GRIN3B: variants seen among roughly 807,000 people sequenced by gnomAD.
The protein encoded by GRIN3B is glutamate ionotropic receptor NMDA type subunit 3B, also known as glutamate receptor ionotropic, NMDA 3B.
GRIN3B carries 77 observed loss-of-function variants against 66.0 expected under a neutral mutation model. The ratio of observed to expected loss-of-function variants is 1.17; its 90% confidence interval spans 0.97 to 1.41. The LOEUF is 1.41. Ranked by LOEUF, GRIN3B falls within the 40% of genes most tolerant of loss-of-function variation. GRIN3B has a pLI of 0.00. For synonymous variants in GRIN3B, 823 were observed against 749.7 expected (o/e 1.10, Z -1.60); for missense variants, 1,787 against 1,564.5 (o/e 1.14, Z -2.40).
Position 1,008,184 on chromosome 19 carries a change from C to T in GRIN3B, c.2359C>T (p.Leu787=). The part of the protein sequence containing the change: ...LPQNSPLTSN[L]SEFISRYKSS... ...CCAGAACTCGCCGCTCACCTCCAAC[C>T]TGTCCGAGTTCATCAGCCGCTACAA... Residue 787 remains leucine (L), a synonymous_variant, in exon 6 of 9, where the codon CTG becomes TTG. Coordinates refer to ENST00000234389, the MANE Select transcript of GRIN3B (RefSeq NM_138690.3). 6.2e-7 allele frequency: 1 copy of T among 1,609,688 alleles called. No homozygotes were observed. The highest frequency in any genetic ancestry group is 1.3e-5 in the African/African-American group (1 of 75,018).
chr19:1,004,073 G>C (rs774357910), intron 2 of GRIN3B, among the ~76,000 whole-genome samples: 16 of 152,194 alleles, frequency 1.1e-4, no homozygotes, highest in Non-Finnish European at 1.6e-4. Flanking sequence ...TGGGCAACAG[G>C]GACCCTGTCT....
In GRIN3B at chr19:1,005,072, G is replaced by A. The variant is rs747428238; in HGVS notation, c.1571G>A (p.Arg524Gln). 77 of 1,611,500 alleles carry A rather than the reference G, an allele frequency of 4.8e-5. No homozygotes were observed. The highest frequency in any genetic ancestry group is 8.8e-5 in the South Asian group (8 of 90,980). ...CTGGTCGGGGACCTGCTGGCCGGCC[G>A]GGCCCACATGGCGGTCACCAGCTTC... ...TGLVGDLLAG[R>Q]AHMAVTSFSI... The change falls in exon 3 of 9, where the codon CGG (arginine) becomes CAG (glutamine). Residue 524 changes from arginine (R) to glutamine (Q), a missense_variant. By Grantham distance (43) the Arg-to-Gln change is conservative. Coordinates refer to ENST00000234389, the MANE Select transcript of GRIN3B (RefSeq NM_138690.3). The surrounding 1 kb of genome is among the most constrained non-coding windows in gnomAD (Gnocchi z 5.2).
chr19:1,009,473 G>C lies in GRIN3B; in HGVS notation c.3003G>C (p.Leu1001=), dbSNP rs774389014. 3 of 1,484,358 alleles carry C rather than the reference G, an allele frequency of 2.0e-6. No individual in the cohort carries two copies. Among genetic ancestry groups the C allele is most frequent in the Admixed American group, 2.3e-5 (1 of 44,278 alleles). 91.9% of individuals were successfully genotyped at this position (1,484,358 alleles called of 1,614,324 possible). A position where few individuals can be genotyped will look rare whatever the true frequency, so the allele number is the denominator to read the frequency against. Residue 1001 remains leucine (L), a synonymous_variant, in exon 9 of 9, where the codon CTG becomes CTC. Coordinates refer to ENST00000234389, the MANE Select transcript of GRIN3B (RefSeq NM_138690.3). ...EVARERLRQA[L]VRRGQLLAQL... is the part of the protein sequence containing the mutation. ...CGCGTGAGCGGCTCCGCCAGGCCCTGGTGCGGCGCGGCCAGCTCCTGGCAC... is the reference window on the plus strand; with the variant it reads ...CGCGTGAGCGGCTCCGCCAGGCCCTCGTGCGGCGCGGCCAGCTCCTGGCAC...
At chr19:1,006,587 G>C (rs2038751445) in intron 3 of GRIN3B, among the ~76,000 whole-genome samples, 1 of 152,144 alleles carries the variant, frequency 6.6e-6, no homozygotes, top group Non-Finnish European at 1.5e-5. Context: ...GATTAGACGT[G>C]AGCCATCGTG....
chr19:1,002,419 T>G (rs1379163606), intron 1 of GRIN3B, among the ~76,000 whole-genome samples: 1 of 116,816 alleles, frequency 8.6e-6, no homozygotes, highest in Non-Finnish European at 1.7e-5. Context: ...TGAGCTGAGA[T>G]CACGCCATTG....
rs770128506 is a variant in GRIN3B, at chr19:1,000,731, G to A, written c.294G>A (p.Pro98=). Residue 98 remains proline, a synonymous_variant, in exon 1 of 9, where the codon CCG becomes CCA. Transcript: ENST00000234389. ...TRGLCQALVP[P]GVAALLAFPE... is the part of the protein sequence containing the mutation. ...GCCTGTGCCAGGCGCTGGTGCCTCC[G>A]GGCGTGGCGGCCCTGCTCGCCTTTC... is the stretch of plus-strand genomic sequence containing the variant. 2.8e-4 allele frequency: 405 copies of A among 1,431,818 alleles called. No individual in the cohort carries two copies. The highest frequency in any genetic ancestry group is 3.4e-4 in the Non-Finnish European group (374 of 1,096,118). The allele number at this position is 1,431,818 out of a possible 1,614,324, so 88.7% of individuals were successfully genotyped here.
rs1212973852 is a variant in GRIN3B, at chr19:1,008,470, TC to T, written c.2467-142del. 19 of 1,050,354 alleles carry T rather than the reference TC, an allele frequency of 1.8e-5. No individual in the cohort carries two copies. The East Asian group carries it at 3.3e-4, about 18-fold the overall frequency. The allele number at this position is 1,050,354 out of a possible 1,614,324, so 65.1% of individuals were successfully genotyped here. A position where few individuals can be genotyped will look rare whatever the true frequency, so the allele number is the denominator to read the frequency against. On this transcript the variant is annotated intron_variant, in intron 6 of 8. Transcript: ENST00000234389. ...TGCCCCTTCCTCCATGAAACCTCAC[TC>T]CCCCCAGCCATGGAGTCCCTGCCTC...
Position 1,004,886 on chromosome 19 carries a change from C to T in GRIN3B, c.1385C>T (p.Ala462Val), listed in dbSNP as rs377106421. ...DSATLDALFA[A>V]LANGSAPRAL... is the part of the protein sequence containing the mutation. ...GCCACCCTGGACGCACTGTTCGCCG[C>T]GCTGGCCAACGGCTCAGCGCCCCGT... Residue 462 changes from alanine to valine, a missense_variant, in exon 3 of 9, where the codon GCG becomes GTG. Transcript: ENST00000234389. 146 of 1,600,918 alleles carry T rather than the reference C, an allele frequency of 9.1e-5. No homozygotes were observed. Among genetic ancestry groups the T allele is most frequent in the Non-Finnish European group, 1.1e-4 (131 of 1,172,048 alleles).
chr19:1,009,308 C>A lies in GRIN3B; in HGVS notation c.2838C>A (p.Pro946=). ...TGGAGCCCGCCGTGGTTGTGGCACC[C>A]GAAGCGGACGCGGAGGCGGAGGCTG... is the stretch of plus-strand genomic sequence containing the variant. ...FLLEPAVVVA[P]EADAEAEAAP... is the part of the protein sequence containing the mutation. Residue 946 remains proline (P), a synonymous_variant, in exon 9 of 9, where the codon CCC becomes CCA. Transcript: ENST00000234389. The A allele has an allele frequency of 7.1e-7, 1 of 1,407,886 alleles. No homozygotes were observed. Among genetic ancestry groups the A allele is most frequent in the Non-Finnish European group, 9.2e-7 (1 of 1,091,234 alleles). 87.2% of individuals were successfully genotyped at this position (1,407,886 alleles called of 1,614,324 possible).
In GRIN3B at chr19:1,003,589, A is replaced by C; in HGVS notation, c.886A>C (p.Ile296Leu). The change falls in exon 2 of 9, where the codon ATT (isoleucine) becomes CTT (leucine). Residue 296 changes from isoleucine (I) to leucine (L), a missense_variant. Physicochemically the swap from Ile to Leu is conservative, Grantham distance 5 (BLOSUM62 2). Transcript: ENST00000234389. ...CCCGCTGGAGGCCGCCATCCATGAC[A>C]TTGTGCAACTGGTGGCCCGGGCGCT... ...RPPLEAAIHD[I>L]VQLVARALGS... is the part of the protein sequence containing the mutation. 1 of 1,477,102 alleles carries C rather than the reference A, an allele frequency of 6.8e-7. No individual in the cohort carries two copies. The highest frequency in any genetic ancestry group is 1.3e-5 in the South Asian group (1 of 75,706). The allele number at this position is 1,477,102 out of a possible 1,614,324, so 91.5% of individuals were successfully genotyped here.
chr19:1,007,752 C>T lies in GRIN3B; in HGVS notation c.2177C>T (p.Pro726Leu), dbSNP rs763967887. The change falls in exon 4 of 9, where the codon CCC (proline) becomes CTC (leucine). Residue 726 changes from proline (P) to leucine (L), a missense_variant. Transcript: ENST00000234389. This position sits in a 1 kb window ranked among gnomAD's most constrained non-coding sequence, Gnocchi z 4.4. ...CGGCGCCACAGCGCGCCCACCACGC[C>T]CCGCGGCGTCGCCATGCTCACGTGA... ...HMRRHSAPTTPRGVAMLTSDP... is the reference protein window; with the variant it reads ...HMRRHSAPTTLRGVAMLTSDP... 2.2e-5 allele frequency: 34 copies of T among 1,517,642 alleles called. No individual in the cohort carries two copies. The highest frequency in any genetic ancestry group is 3.4e-4 in the Middle Eastern group (2 of 5,890). 94.0% of individuals were successfully genotyped at this position (1,517,642 alleles called of 1,614,324 possible). A position where few individuals can be genotyped will look rare whatever the true frequency, so the allele number is the denominator to read the frequency against.
At chr19:1,001,226 T>C (rs1359627983) in intron 1 of GRIN3B, among the ~76,000 whole-genome samples, 2 of 151,774 alleles carry the variant, frequency 1.3e-5, no homozygotes, top group Non-Finnish European at 2.9e-5. Flanking sequence ...CACAGACCCT[T>C]CCCTGGTCCC....
At position 1,003,174 on chromosome 19, in the gene GRIN3B, G is replaced by A. The variant is rs145032188; in HGVS notation, c.471G>A (p.Thr157=). 1.0e-4 allele frequency: 150 copies of A among 1,497,326 alleles called. 1 individual carries two copies. The African/African-American group carries it at 1.6e-3, about 16-fold the overall frequency. 92.8% of individuals were successfully genotyped at this position (1,497,326 alleles called of 1,614,324 possible). The change falls in exon 2 of 9, where the codon ACG becomes ACA. Residue 157 remains threonine (T), a synonymous_variant. Coordinates refer to ENST00000234389, the MANE Select transcript of GRIN3B (RefSeq NM_138690.3). ...LQLHWASPLE[T]LLDVLVAVLQ... ...TGCACTGGGCCAGCCCCCTGGAGAC[G>A]CTGCTGGATGTGCTGGTGGCGGTGC...
chr19:1,009,612 C>G lies in GRIN3B; in HGVS notation c.*10C>G, dbSNP rs1284323707. 2 of 1,419,014 alleles carry G rather than the reference C, an allele frequency of 1.4e-6. No individual in the cohort carries two copies. The highest frequency in any genetic ancestry group is 1.8e-6 in the Non-Finnish European group (2 of 1,092,036). The allele number at this position is 1,419,014 out of a possible 1,614,324, so 87.9% of individuals were successfully genotyped here. Reference sequence around the variant, plus strand: ...GGGGAGCCAGGAATGAGGCGGCAGCCGGGCCGTTTGGGCTCAAGACACACA... The same window carrying G: ...GGGGAGCCAGGAATGAGGCGGCAGCGGGGCCGTTTGGGCTCAAGACACACA... On this transcript the variant is annotated 3_prime_UTR_variant, in exon 9 of 9. Transcript: ENST00000234389.
In GRIN3B at chr19:1,000,676, C is replaced by T; in HGVS notation, c.239C>T (p.Pro80Leu). Reference protein sequence around the residue: ...LSLELVVAAPPARDPASLTRG... With the variant: ...LSLELVVAAPLARDPASLTRG... ...TTGGAGCTGGTGGTCGCCGCGCCCC[C>T]CGCCCGCGACCCCGCCTCGCTGACC... Residue 80 changes from proline (P) to leucine (L), a missense_variant, in exon 1 of 9, where the codon CCC becomes CTC. Coordinates refer to ENST00000234389, the MANE Select transcript of GRIN3B (RefSeq NM_138690.3). The T allele has an allele frequency of 1.5e-6, 2 of 1,345,866 alleles. No individual in the cohort carries two copies. Among genetic ancestry groups the T allele is most frequent in the Non-Finnish European group, 1.9e-6 (2 of 1,046,278 alleles). 83.4% of individuals were successfully genotyped at this position (1,345,866 alleles called of 1,614,324 possible). A position where few individuals can be genotyped will look rare whatever the true frequency, so the allele number is the denominator to read the frequency against.
chr19:1,009,511 G>C lies in GRIN3B; in HGVS notation c.3041G>C (p.Ser1014Thr). 1 of 1,493,974 alleles carries C rather than the reference G, an allele frequency of 6.7e-7. No homozygotes were observed. Among genetic ancestry groups the C allele is most frequent in the Non-Finnish European group, 8.9e-7 (1 of 1,127,240 alleles). 92.5% of individuals were successfully genotyped at this position (1,493,974 alleles called of 1,614,324 possible). Residue 1014 changes from serine (S) to threonine (T), a missense_variant, in exon 9 of 9, where the codon AGC (serine) becomes ACC (threonine). Ser to Thr is a moderately conservative substitution (Grantham distance 58). Coordinates refer to ENST00000234389, the MANE Select transcript of GRIN3B (RefSeq NM_138690.3). ...CAGCTCCTGGCACAGCTCGGGGACA[G>C]CGCACGTCACCGGCCTCGGCGCTTG... ...RGQLLAQLGD[S>T]ARHRPRRLLQ...
At position 1,005,335 on chromosome 19, in the gene GRIN3B, A is replaced by G. The variant is rs60621387; in HGVS notation, c.1834A>G (p.Thr612Ala). 0.016 allele frequency: 26,459 copies of G among 1,613,688 alleles called. 453 individuals carry two copies. The highest frequency in any genetic ancestry group is 0.084 in the African/African-American group (6,304 of 75,020). The change falls in exon 3 of 9, where the codon ACC becomes GCC. Residue 612 changes from threonine to alanine, a missense_variant. By Grantham distance (58) the Thr-to-Ala change is moderately conservative. Transcript: ENST00000234389. The surrounding 1 kb of genome is among the most constrained non-coding windows in gnomAD (Gnocchi z 5.2). The stretch of plus-strand genomic sequence containing the variant: ...CACGCCACGTGGCCGCAACCGCAGC[A>G]CCGTCTTCTCCTACTCCTCAGCCCT... The part of the protein sequence containing the change: ...GLTPRGRNRS[T>A]VFSYSSALNL...
At chr19:1,002,831 G>A (rs912898375) in intron 1 of GRIN3B, 9 of 320,384 alleles carry the variant, frequency 2.8e-5, no homozygotes, top group Non-Finnish European at 3.5e-5. Flanking sequence ...GGAGTTGGTG[G>A]GCATAGAGAG....
chr19:1,009,132 G>C, intron 8 of GRIN3B, 41 bp from the exon 9 acceptor site: 1 of 1,441,520 alleles, frequency 6.9e-7, no homozygotes, highest in Non-Finnish European at 9.1e-7. Context: ...GCGCGAGACG[G>C]CTGCCCCGGC....
Sources: allele counts gnomAD v4.1 joint callset (sites outside exome capture counted in the v4.1 genomes callset), GRCh38; gene constraint gnomAD v4.1.1; non-coding constraint Gnocchi (gnomAD v3.1); transcripts MANE v1.5; gene names NCBI Gene and HGNC (gene_info 2026-07-23, HGNC 2026-07-21).